ABTB2: variants seen among roughly 807,000 people sequenced by gnomAD.
ABTB2 encodes ankyrin repeat and BTB domain containing 2, also known as ankyrin repeat and BTB/POZ domain-containing protein 2.
ABTB2 carries 56 observed loss-of-function variants against 104.1 expected under a neutral mutation model. The observed-to-expected ratio is 0.54, with a 90% CI of 0.43 to 0.67. ABTB2 has a LOEUF of 0.67. Ranked by LOEUF, ABTB2 falls within the 30% of genes least tolerant of loss-of-function variation. ABTB2 has a pLI of 0.00. For synonymous variants in ABTB2, 606 were observed against 608.2 expected, an observed-to-expected ratio of 1.00 and a Z score of 0.05; for missense variants, 1,279 against 1,407.7, an observed-to-expected ratio of 0.91 and a Z score of 1.46.
chr11:34,236,588 C>T (rs916793427), intron 1 of ABTB2, among the ~76,000 whole-genome samples: 1 of 152,212 alleles, frequency 6.6e-6, no homozygotes, highest in Non-Finnish European at 1.5e-5. Flanking sequence ...CCCCGGCACC[C>T]CCTCCCCTCA....
chr11:34,159,805 T>G, intron 13 of ABTB2, 101 bp downstream of exon 13: 1 of 929,102 alleles, frequency 1.1e-6, no homozygotes, highest in Non-Finnish European at 1.7e-6. Flanking sequence ...GGGCAGAGGC[T>G]GCAGGGTACA....
chr11:34,155,605 G>A (rs941117304), intron 14 of ABTB2, among the ~76,000 whole-genome samples: 3 of 152,246 alleles, frequency 2.0e-5, no homozygotes, highest in Non-Finnish European at 2.9e-5. Context: ...CGGCACAGTC[G>A]GGCTCTGTCA....
intron 1 of ABTB2, among the ~76,000 whole-genome samples, chr11:34,226,204 TAAA>T (rs34915007): frequency 5.0e-5 from 4 of 79,592 alleles, no homozygotes; most frequent in African/African-American, 9.9e-5. Flanking sequence ...GAGAGTCCAT[TAAA>T]AAAAAAAAAA....
intron 7 of ABTB2, among the ~76,000 whole-genome samples, chr11:34,166,220 C>T (rs745807): frequency 2.6e-5 from 4 of 152,196 alleles, no homozygotes; most frequent in Admixed American, 6.5e-5. Flanking sequence ...ACCGCCCTTC[C>T]CCTGGATACC....
At chr11:34,352,236 C>CA (rs1209973848) in intron 1 of ABTB2, among the ~76,000 whole-genome samples, 1 of 152,196 alleles carries the variant, frequency 6.6e-6, no homozygotes, top group Non-Finnish European at 1.5e-5. Flanking sequence ...AGACTTCTCT[C>CA]AGCTGGTGAA....
intron 1 of ABTB2, among the ~76,000 whole-genome samples, chr11:34,246,704 C>T (rs116029698): frequency 1.0e-3 from 156 of 151,096 alleles, no homozygotes; most frequent in African/African-American, 3.6e-3. Context: ...AACCCTACCA[C>T]AACAGAAAAC....
At position 34,162,586 on chromosome 11, in the gene ABTB2, C is replaced by T. The variant is rs1852737292; in HGVS notation, c.2208G>A (p.Leu736=). 3 of 1,613,410 alleles carry T rather than the reference C, an allele frequency of 1.9e-6. No individual in the cohort carries two copies. Among genetic ancestry groups the T allele is most frequent in the Non-Finnish European group, 2.5e-6 (3 of 1,179,936 alleles). Reference sequence around the variant, plus strand: ...CCCGTGAGGCCTCACCCAGTGCCCTCAGCTCCATGGTGATGTCCACGTAGC... The same window carrying T: ...CCCGTGAGGCCTCACCCAGTGCCCTTAGCTCCATGGTGATGTCCACGTAGC... ...EHGYVDITME[L]RALGVPWKLH... Residue 736 remains leucine, a synonymous_variant, in exon 10 of 17, where the codon CTG becomes CTA. Transcript: ENST00000435224.
At position 34,357,071 on chromosome 11, in the gene ABTB2, G is replaced by A. The variant is rs2133133213; in HGVS notation, c.513C>T (p.Ala171=). ...AVRLVHSWAL[A]ESCALAAVKA... is the part of the protein sequence containing the mutation. ...TGACGGCTGCCAGCGCGCAGCTCTC[G>A]GCCAGCGCCCAGCTGTGCACCAGGC... The change falls in exon 1 of 17, where the codon GCC becomes GCT. Residue 171 remains alanine, a synonymous_variant. Coordinates refer to ENST00000435224, the MANE Select transcript of ABTB2 (RefSeq NM_145804.3). 1.3e-6 allele frequency: 2 copies of A among 1,523,654 alleles called. No individual in the cohort carries two copies. Among genetic ancestry groups the A allele is most frequent in the Non-Finnish European group, 1.8e-6 (2 of 1,137,490 alleles). The allele number at this position is 1,523,654 out of a possible 1,614,324, so 94.4% of individuals were successfully genotyped here.
Position 34,164,702 on chromosome 11 carries a change from C to T in ABTB2, c.1972G>A (p.Ala658Thr). ...HEDMNCFSHS[A>T]AHGHRNVLRK... is the part of the protein sequence containing the mutation. ...GGCAGGTACCTGTGGCCGTGGGCAG[C>T]TGAGTGGCTGAAGCAGTTCATGTCC... Residue 658 changes from alanine to threonine, a missense_variant, in exon 9 of 17, where the codon GCT becomes ACT. Transcript: ENST00000435224. The T allele has an allele frequency of 6.6e-7, 1 of 1,522,742 alleles. No individual in the cohort carries two copies. Among genetic ancestry groups the T allele is most frequent in the Non-Finnish European group, 8.7e-7 (1 of 1,143,960 alleles). 94.3% of individuals were successfully genotyped at this position (1,522,742 alleles called of 1,614,324 possible).
chr11:34,325,609 T>C (rs903627785), intron 1 of ABTB2, among the ~76,000 whole-genome samples: 37 of 152,326 alleles, frequency 2.4e-4, no homozygotes, highest in African/African-American at 8.7e-4. Context: ...ACTACTGTAT[T>C]GATCTATAGA....
At chr11:34,230,946 G>C (rs1362385979) in intron 1 of ABTB2, among the ~76,000 whole-genome samples, 2 of 152,086 alleles carry the variant, frequency 1.3e-5, no homozygotes, top group Non-Finnish European at 2.9e-5. Flanking sequence ...CCTGGCTTCA[G>C]GCAATCCTCC....
chr11:34,285,770 T>G (rs1202315305), intron 1 of ABTB2, among the ~76,000 whole-genome samples: 1 of 152,172 alleles, frequency 6.6e-6, no homozygotes, highest in Non-Finnish European at 1.5e-5. Context: ...TTCTGACTGC[T>G]TTTTGGGAAG....
chr11:34,352,945 C>T (rs763730561), intron 1 of ABTB2, among the ~76,000 whole-genome samples: 3 of 152,210 alleles, frequency 2.0e-5, no homozygotes, highest in Non-Finnish European at 4.4e-5. Flanking sequence ...CCTGCAGTCC[C>T]AGCCACTTGG....
chr11:34,251,509 T>A (rs185232829), intron 1 of ABTB2, among the ~76,000 whole-genome samples: 12 of 152,342 alleles, frequency 7.9e-5, no homozygotes, highest in Admixed American at 7.8e-4. Flanking sequence ...CTGGGCCAAC[T>A]GTTGACCGGT....
chr11:34,281,659 C>G (rs995794938), intron 1 of ABTB2, among the ~76,000 whole-genome samples: 3 of 152,172 alleles, frequency 2.0e-5, no homozygotes, highest in Non-Finnish European at 4.4e-5. Flanking sequence ...CACAAGGAAG[C>G]TGCACCACCG....
chr11:34,229,405 C>CCA (rs1247406776), intron 1 of ABTB2, among the ~76,000 whole-genome samples: 2 of 143,826 alleles, frequency 1.4e-5, no homozygotes, highest in Non-Finnish European at 3.0e-5. Context: ...GGCGTGAACC[C>CCA]GGGAGGTGGA....
intron 3 of ABTB2, among the ~76,000 whole-genome samples, chr11:34,181,416 G>T (rs539656804): frequency 6.6e-6 from 1 of 152,198 alleles, no homozygotes; most frequent in Non-Finnish European, 1.5e-5. Flanking sequence ...ACCCCAGAGT[G>T]AGTCAGGTTG....
Position 34,154,707 on chromosome 11 carries a change from G to A in ABTB2, c.2760C>T (p.Ile920=), listed in dbSNP as rs775696296. Residue 920 remains isoleucine, a synonymous_variant, in exon 15 of 17, where the codon ATC becomes ATT. Coordinates refer to ENST00000435224, the MANE Select transcript of ABTB2 (RefSeq NM_145804.3). The surrounding 1 kb of genome is among the most constrained non-coding windows in gnomAD (Gnocchi z 4.9). ...TESMEIPTTD[I]LELLSAASLF... is the part of the protein sequence containing the mutation. ...CCCCTCTCCCGAGTCTCACCTCCAG[G>A]ATGTCAGTGGTGGGGATCTCCATGG... 5.6e-6 allele frequency: 9 copies of A among 1,614,050 alleles called. No individual in the cohort carries two copies. The South Asian group carries it at 9.9e-5, about 18-fold the overall frequency.
intron 1 of ABTB2, among the ~76,000 whole-genome samples, chr11:34,313,330 G>T (rs999156541): frequency 6.6e-6 from 1 of 152,164 alleles, no homozygotes; most frequent in African/African-American, 2.4e-5. Flanking sequence ...GCCGGCTCCC[G>T]AGCACCTCAG....
Sources: allele counts gnomAD v4.1 joint callset (sites outside exome capture counted in the v4.1 genomes callset), GRCh38; gene constraint gnomAD v4.1.1; non-coding constraint Gnocchi (gnomAD v3.1); transcripts MANE v1.5; gene names NCBI Gene and HGNC (gene_info 2026-07-23, HGNC 2026-07-21).